CDH13: variants seen among roughly 807,000 people sequenced by gnomAD.
The protein encoded by CDH13 is cadherin-13.
Under a neutral mutation model 63.8 loss-of-function variants are expected in CDH13, and 24 were observed. That is an observed-to-expected ratio of 0.38 (90% CI 0.27 to 0.53). The LOEUF is 0.53. Ranked by LOEUF, CDH13 falls within the 20% of genes least tolerant of loss-of-function variation. The pLI, the probability that CDH13 is intolerant of heterozygous loss-of-function variation, is 0.85. For missense variants in CDH13, 1,049 were observed against 903.1 expected (o/e 1.16, Z -2.07); for synonymous variants, 503 against 355.3 (o/e 1.42, Z -4.67).
At chr16:83,062,243 A>C (rs1567793408) in intron 3 of CDH13, among the ~76,000 whole-genome samples, 1 of 152,056 alleles carries the variant, frequency 6.6e-6, no homozygotes, top group East Asian at 1.9e-4. Context: ...TAAATTGAGT[A>C]CCCCCTGTCA....
intron 6 of CDH13, among the ~76,000 whole-genome samples, chr16:83,407,002 A>C (rs772787510): frequency 6.6e-6 from 1 of 152,252 alleles, no homozygotes; most frequent in Non-Finnish European, 1.5e-5. Flanking sequence ...AAACACATAC[A>C]TCAAATGCCT....
intron 3 of CDH13, among the ~76,000 whole-genome samples, chr16:83,043,729 C>G (rs180954303): frequency 6.6e-6 from 1 of 151,636 alleles, no homozygotes; most frequent in Non-Finnish European, 1.5e-5. Flanking sequence ...CATGGTGGTG[C>G]ATGCCTGTAA....
At chr16:83,021,142 A>T (rs72794177) in intron 2 of CDH13, among the ~76,000 whole-genome samples, 2 of 152,054 alleles carry the variant, frequency 1.3e-5, no homozygotes, top group South Asian at 4.1e-4. Context: ...CTTTCGCTTA[A>T]TGGGTGACTT....
chr16:83,472,523 C>G (rs2073482923), intron 6 of CDH13, among the ~76,000 whole-genome samples: 1 of 152,172 alleles, frequency 6.6e-6, no homozygotes, highest in Non-Finnish European at 1.5e-5. Context: ...CACCGCCGCT[C>G]AGGGGCGGGA....
At chr16:82,759,841 G>C (rs992967662) in intron 1 of CDH13, among the ~76,000 whole-genome samples, 1 of 151,906 alleles carries the variant, frequency 6.6e-6, no homozygotes, top group Non-Finnish European at 1.5e-5. Context: ...GACGCACTGC[G>C]CCTCTGTTGC....
intron 8 of CDH13, among the ~76,000 whole-genome samples, chr16:83,626,676 C>G (rs999138673): frequency 1.6e-4 from 25 of 152,072 alleles, no homozygotes; most frequent in African/African-American, 5.6e-4. Context: ...TCCATTCTCT[C>G]TTTCTCGGAG....
chr16:83,730,190 T>A (rs1337524612), intron 10 of CDH13, among the ~76,000 whole-genome samples: 1 of 152,240 alleles, frequency 6.6e-6, no homozygotes, highest in African/African-American at 2.4e-5. Context: ...GGAGAAAATA[T>A]AATTGTCGCT....
At chr16:83,297,898 G>T (rs141330608) in intron 5 of CDH13, among the ~76,000 whole-genome samples, 1 of 151,968 alleles carries the variant, frequency 6.6e-6, no homozygotes, top group Non-Finnish European at 1.5e-5. Context: ...ACTCTGATCT[G>T]TACAGTTGGT....
chr16:83,040,394 A>T (rs887746409), intron 3 of CDH13, among the ~76,000 whole-genome samples: 10 of 152,200 alleles, frequency 6.6e-5, no homozygotes, highest in Admixed American at 5.9e-4. Context: ...AGTCTGAGTC[A>T]CAAAACCTCA....
At chr16:83,381,835 G>T (rs1265905595) in intron 6 of CDH13, among the ~76,000 whole-genome samples, 1 of 151,962 alleles carries the variant, frequency 6.6e-6, no homozygotes, top group African/African-American at 2.4e-5. Context: ...GAGACAGACT[G>T]AAGTCTAACA....
At position 82,841,074 on chromosome 16, in the gene CDH13, G is replaced by A. The variant is rs529185602; in HGVS notation, c.46-17288G>A. ...AATGGTACTTGCTGGGGACACATGG[G>A]ATGCATGGCCTGTGGACATCTAGAA... is the stretch of plus-strand genomic sequence containing the variant. On this transcript the variant is annotated intron_variant, in intron 1 of 13. Coordinates refer to ENST00000567109, the MANE Select transcript of CDH13 (RefSeq NM_001257.5). 2.0e-5 allele frequency among the ~76,000 whole-genome samples: 3 copies of A among 152,346 alleles called. No homozygotes were observed. In the East Asian group the frequency reaches 5.8e-4, roughly 29 times the overall value.
intron 5 of CDH13, among the ~76,000 whole-genome samples, chr16:83,280,773 G>C (rs1170055402): frequency 1.3e-5 from 2 of 152,208 alleles, no homozygotes; most frequent in African/African-American, 4.8e-5. Context: ...TTGAAAAATA[G>C]ATGTTGTGTT....
At chr16:83,388,302 A>AAAAAAAT (rs369123902) in intron 6 of CDH13, among the ~76,000 whole-genome samples, 1 of 149,720 alleles carries the variant, frequency 6.7e-6, no homozygotes, top group East Asian at 2.0e-4. Context: ...AAAAAAAAAA[A>AAAAAAAT]TGTTAGCCAG....
chr16:82,638,825 C>CGCGT (rs1317668459), intron 1 of CDH13, among the ~76,000 whole-genome samples: 2 of 43,534 alleles, frequency 4.6e-5, no homozygotes, highest in Non-Finnish European at 1.5e-4. Flanking sequence ...GCAGTGTGTG[C>CGCGT]GTGTGTGCGT....
At chr16:83,168,729 C>G (rs1350443636) in intron 4 of CDH13, among the ~76,000 whole-genome samples, 1 of 152,060 alleles carries the variant, frequency 6.6e-6, no homozygotes, top group African/African-American at 2.4e-5. Context: ...ACATCTATAT[C>G]TATACTCATT....
intron 5 of CDH13, among the ~76,000 whole-genome samples, chr16:83,334,908 C>G (rs1023242766): frequency 2.0e-4 from 30 of 152,058 alleles, no homozygotes; most frequent in Non-Finnish European, 1.5e-5. Context: ...ATCTGCCTAC[C>G]AAGCCTGTAC....
At chr16:83,609,458 A>T (rs1400077545) in intron 8 of CDH13, among the ~76,000 whole-genome samples, 2 of 152,218 alleles carry the variant, frequency 1.3e-5, no homozygotes, top group African/African-American at 4.8e-5. Flanking sequence ...GTTTTATGTT[A>T]TCTTTATTGG....
intron 2 of CDH13, among the ~76,000 whole-genome samples, chr16:82,864,458 G>T (rs2040051151): frequency 6.6e-6 from 1 of 152,128 alleles, no homozygotes; most frequent in African/African-American, 2.4e-5. Context: ...CATGGCAGAA[G>T]GTGAAGAGGA....
At chr16:82,701,117 T>G (rs960933078) in intron 1 of CDH13, among the ~76,000 whole-genome samples, 4 of 152,030 alleles carry the variant, frequency 2.6e-5, no homozygotes, top group Non-Finnish European at 5.9e-5. Flanking sequence ...ATCCCCTCAA[T>G]GTCCAAAGTT....
Sources: gnomAD v4.1 joint callset for allele counts (sites outside exome capture counted in the v4.1 genomes callset) on GRCh38, gnomAD v4.1.1 for gene constraint, MANE v1.5 for transcripts, NCBI Gene and HGNC (gene_info 2026-07-23, HGNC 2026-07-21) for gene names.